The following DCT variants were observed in gnomAD, a reference collection of about 807,000 sequenced individuals.
DCT encodes the protein dopachrome tautomerase.
In DCT, 47 loss-of-function variants were observed where a neutral mutation model predicts 53.0. That is an observed-to-expected ratio of 0.89 (90% CI 0.70 to 1.13). DCT has a LOEUF of 1.13. Among genes scored for constraint, DCT ranks in the 50% most tolerant of loss-of-function variants. The pLI, the probability that DCT is intolerant of heterozygous loss-of-function variation, is 0.00. For synonymous variants in DCT, 244 were observed against 237.0 expected (o/e 1.03, Z -0.27); for missense variants, 669 against 637.4 (o/e 1.05, Z -0.53).
In DCT at chr13:94,462,742, A is replaced by T. The variant is rs574065493; in HGVS notation, c.864-553T>A. On this transcript the variant is annotated intron_variant, in intron 4 of 7. Transcript: ENST00000377028. ...ATGGGCATAAATATGAATAATCATT[A>T]CCATTCTGTTGGAAAGACAGTGAGA... Among the ~76,000 whole-genome samples the T allele has an allele frequency of 2.6e-4, 39 of 152,374 alleles. No individual in the cohort carries two copies. In the South Asian group the frequency reaches 7.9e-3, roughly 31 times the overall value.
the DCT span, among the ~76,000 whole-genome samples, chr13:94,542,158 C>T: frequency 6.6e-6 from 1 of 152,296 alleles, no homozygotes; most frequent in South Asian, 2.1e-4. Context: ...CAAACATTAA[C>T]ATGTCTCAAC....
At chr13:94,478,258 A>T (rs1394408162) in intron 1 of DCT, among the ~76,000 whole-genome samples, 2 of 149,546 alleles carry the variant, frequency 1.3e-5, no homozygotes, top group African/African-American at 4.9e-5. Flanking sequence ...AGAAACATGC[A>T]CCCTGCTGAG....
At chr13:94,513,920 GA>G in the DCT span, among the ~76,000 whole-genome samples, 3 of 144,560 alleles carry the variant, frequency 2.1e-5, no homozygotes, top group Admixed American at 2.1e-4. Context: ...CCAGGAGGCA[GA>G]GGTTGCAGTA....
chr13:94,478,164 C>T (rs1281911967), intron 1 of DCT, among the ~76,000 whole-genome samples: 2 of 137,418 alleles, frequency 1.5e-5, no homozygotes, highest in East Asian at 5.2e-4. Context: ...CCCGCCCCCC[C>T]CACCCCCAGC....
chr13:94,478,907 G>A (rs1885276779), intron 1 of DCT, 54 bp downstream of exon 1: 7 of 1,500,668 alleles, frequency 4.7e-6, no homozygotes, highest in South Asian at 3.8e-5. Context: ...TCCTTAGAAG[G>A]AGCTCTTTCC....
At chr13:94,540,421 A>G in the DCT span, among the ~76,000 whole-genome samples, 1 of 152,230 alleles carries the variant, frequency 6.6e-6, no homozygotes, top group Non-Finnish European at 1.5e-5. Context: ...GGGAGATCAA[A>G]GAGAACTAAA....
chr13:94,456,855 T>C (rs1883442398), intron 6 of DCT, among the ~76,000 whole-genome samples: 2 of 152,228 alleles, frequency 1.3e-5, no homozygotes, highest in African/African-American at 4.8e-5. Flanking sequence ...TCTGGCTGGG[T>C]GCATTGGCTC....
In DCT at chr13:94,468,748, A is replaced by C. The variant is rs1258921309; in HGVS notation, c.593T>G (p.Leu198Ter). Residue 198 changes from leucine to a stop codon, truncating the protein, a stop_gained and splice_region_variant, in exon 2 of 8, where the codon TTA becomes TGA. Transcript: ENST00000377028. LOFTEE classifies it high-confidence loss of function. ...LHYYSVRDTLLGPGRPYRAID... is the reference protein window; with the variant it reads ...LHYYSVRDTL ...CTTCAGCCAAGGAAAAAACCCACCTAATAATGTATCTCTAACAGAATAATA... is the reference window on the plus strand; with the variant it reads ...CTTCAGCCAAGGAAAAAACCCACCTCATAATGTATCTCTAACAGAATAATA... 19 of 1,612,166 alleles carry C rather than the reference A, an allele frequency of 1.2e-5. No homozygotes were observed. The highest frequency in any genetic ancestry group is 1.4e-5 in the Non-Finnish European group (17 of 1,178,808).
chr13:94,526,222 C>T, the DCT span, among the ~76,000 whole-genome samples: 1 of 152,194 alleles, frequency 6.6e-6, no homozygotes, highest in African/African-American at 2.4e-5. Context: ...TCTACTGAGC[C>T]AGTACTTGAG....
At chr13:94,527,804 A>G in the DCT span, among the ~76,000 whole-genome samples, 2 of 152,254 alleles carry the variant, frequency 1.3e-5, no homozygotes, top group Non-Finnish European at 2.9e-5. Flanking sequence ...AGTTGACAGA[A>G]GTCAGCTTCA....
At chr13:94,514,019 A>G in the DCT span, among the ~76,000 whole-genome samples, 1 of 147,022 alleles carries the variant, frequency 6.8e-6, no homozygotes, top group Non-Finnish European at 1.5e-5. Context: ...AAAGATAGAT[A>G]CCTATCTCTT....
chr13:94,482,401 G>C (rs1885480181), upstream of DCT, among the ~76,000 whole-genome samples: 1 of 152,086 alleles, frequency 6.6e-6, no homozygotes, highest in African/African-American at 2.4e-5. Flanking sequence ...CATTCCCTCT[G>C]TCTGGAATAA....
chr13:94,486,727 G>T, the DCT span, among the ~76,000 whole-genome samples: 7,201 of 152,190 alleles, frequency 0.047, 249 homozygotes, highest in Non-Finnish European at 0.073. Context: ...TCTTTACCTT[G>T]GCCAGTTATG....
chr13:94,539,998 A>C, the DCT span, among the ~76,000 whole-genome samples: 2 of 152,230 alleles, frequency 1.3e-5, no homozygotes, highest in Non-Finnish European at 2.9e-5. Context: ...ACTAAAAGCC[A>C]GTAACAAAGA....
chr13:94,478,402 G>A (rs1037515345), intron 1 of DCT, among the ~76,000 whole-genome samples: 15 of 151,942 alleles, frequency 9.9e-5, no homozygotes, highest in Non-Finnish European at 1.6e-4. Flanking sequence ...ACTTGAACCC[G>A]GGAGATGGAG....
chr13:94,451,975 T>A (rs990998659), intron 6 of DCT, among the ~76,000 whole-genome samples: 1 of 152,018 alleles, frequency 6.6e-6, no homozygotes, highest in African/African-American at 2.4e-5. Context: ...TGAAGACAGA[T>A]CACAGAAAAG....
At chr13:94,541,063 C>T in the DCT span, among the ~76,000 whole-genome samples, 9 of 152,160 alleles carry the variant, frequency 5.9e-5, no homozygotes, top group African/African-American at 2.2e-4. Flanking sequence ...CCCATGTTTG[C>T]ACTCATATGT....
the DCT span, among the ~76,000 whole-genome samples, chr13:94,508,695 G>A: frequency 6.6e-6 from 1 of 152,170 alleles, no homozygotes; most frequent in Non-Finnish European, 1.5e-5. Flanking sequence ...ATTGTTGTGT[G>A]TGGCCTGAGA....
chr13:94,472,218 C>G (rs1385407133), intron 1 of DCT, among the ~76,000 whole-genome samples: 1 of 151,930 alleles, frequency 6.6e-6, no homozygotes, highest in African/African-American at 2.4e-5. Context: ...AATTGGCTCT[C>G]TCATGTATTT....
Sources: allele counts gnomAD v4.1 joint callset (sites outside exome capture counted in the v4.1 genomes callset), GRCh38; gene constraint gnomAD v4.1.1; transcripts MANE v1.5; gene names NCBI Gene and HGNC (gene_info 2026-07-23, HGNC 2026-07-21).